CDK17: variants seen among roughly 807,000 people sequenced by gnomAD.
The protein encoded by CDK17 is cyclin dependent kinase 17, also known as cyclin-dependent kinase 17.
A neutral mutation model predicts 77.6 loss-of-function variants in CDK17; 24 were observed. The ratio of observed to expected loss-of-function variants is 0.31; its 90% CI spans 0.22 to 0.44. The LOEUF (loss-of-function observed/expected upper bound fraction) is 0.44, where lower values mean the gene tolerates loss of function less well. CDK17 is among the 20% of genes least tolerant of loss of function. CDK17 has a pLI of 1.00. For synonymous variants in CDK17, 203 were observed against 210.4 expected (o/e 0.96, Z 0.30); for missense variants, 429 against 622.5 (o/e 0.69, Z 3.31).
Position 96,316,731 on chromosome 12 carries a change from C to A in CDK17, c.284-3277G>T, listed in dbSNP as rs1372907376. Among the ~76,000 whole-genome samples, 18 of 125,050 alleles carry A rather than the reference C, an allele frequency of 1.4e-4. 1 individual carries two copies. The highest frequency in any genetic ancestry group is 3.3e-4 in the African/African-American group (11 of 33,428). 82.0% of individuals were successfully genotyped at this position (125,050 alleles called of 152,430 possible). ...TCACACGGCAGGGTATTCCAACAGACCTGCAGCTGAGGGTCCTGTCTGTTA... is the reference window on the plus strand; with the variant it reads ...TCACACGGCAGGGTATTCCAACAGAACTGCAGCTGAGGGTCCTGTCTGTTA... On this transcript the variant is annotated intron_variant, in intron 3 of 16. Transcript: ENST00000261211.
At chr12:96,289,996 A>G (rs920095282) in intron 10 of CDK17, among the ~76,000 whole-genome samples, 2 of 152,136 alleles carry the variant, frequency 1.3e-5, no homozygotes, top group African/African-American at 4.8e-5. Context: ...CACATAAAAT[A>G]CACTAACACT....
intron 11 of CDK17, among the ~76,000 whole-genome samples, chr12:96,287,783 A>C (rs950637551): frequency 6.6e-6 from 1 of 152,238 alleles, no homozygotes; most frequent in Non-Finnish European, 1.5e-5. Flanking sequence ...CCATCAATGG[A>C]TAAATGGGTA....
At chr12:96,395,774 T>C (rs1954158287) in intron 1 of CDK17, among the ~76,000 whole-genome samples, 2 of 152,104 alleles carry the variant, frequency 1.3e-5, no homozygotes, top group Admixed American at 6.5e-5. Flanking sequence ...CCCTTTTAAG[T>C]AGAAAAGAAA....
intron 1 of CDK17, among the ~76,000 whole-genome samples, chr12:96,335,861 G>A (rs1337680372): frequency 6.6e-6 from 1 of 152,046 alleles, no homozygotes; most frequent in African/African-American, 2.4e-5. Context: ...ATGATGAGCT[G>A]GCTTACCAGA....
At chr12:96,391,133 C>T (rs1309181342) in intron 1 of CDK17, among the ~76,000 whole-genome samples, 1 of 151,666 alleles carries the variant, frequency 6.6e-6, no homozygotes, top group East Asian at 1.9e-4. Flanking sequence ...TATACATAAA[C>T]TACCACAGCA....
At chr12:96,323,154 C>A (rs1231871048) in intron 3 of CDK17, among the ~76,000 whole-genome samples, 1 of 151,710 alleles carries the variant, frequency 6.6e-6, no homozygotes, top group Non-Finnish European at 1.5e-5. Flanking sequence ...CATAATAGGC[C>A]AGGTGTGGTG....
chr12:96,361,095 T>C (rs532236793), intron 1 of CDK17, among the ~76,000 whole-genome samples: 1 of 152,148 alleles, frequency 6.6e-6, no homozygotes, highest in African/African-American at 2.4e-5. Context: ...GATCCAGACC[T>C]CCGAAAAGAA....
At chr12:96,355,729 C>G (rs1187783536) in intron 1 of CDK17, among the ~76,000 whole-genome samples, 1 of 152,114 alleles carries the variant, frequency 6.6e-6, no homozygotes, top group Non-Finnish European at 1.5e-5. Context: ...TGTCGATTCC[C>G]TCCACTAGAA....
intron 16 of CDK17, 68 bp downstream of exon 16, chr12:96,280,740 T>C: frequency 1.3e-6 from 2 of 1,588,620 alleles, no homozygotes. Context: ...GATCAATTTA[T>C]AAACCAAAAG....
At chr12:96,385,469 C>A (rs1306395294) in intron 1 of CDK17, among the ~76,000 whole-genome samples, 1 of 151,986 alleles carries the variant, frequency 6.6e-6, no homozygotes, top group African/African-American at 2.4e-5. Flanking sequence ...ACGCAATATA[C>A]CCATGTAACG....
intron 1 of CDK17, among the ~76,000 whole-genome samples, chr12:96,395,229 C>T (rs1954149529): frequency 6.6e-6 from 1 of 152,224 alleles, no homozygotes; most frequent in African/African-American, 2.4e-5. Context: ...TTTTGAGCAA[C>T]ATGTCCTACC....
chr12:96,384,125 T>C (rs1282528681), intron 1 of CDK17, among the ~76,000 whole-genome samples: 2 of 151,842 alleles, frequency 1.3e-5, no homozygotes, highest in African/African-American at 4.8e-5. Flanking sequence ...AGAAGACATA[T>C]AAGCAGCCAA....
At chr12:96,335,549 A>AT (rs1953030476) in intron 1 of CDK17, among the ~76,000 whole-genome samples, 2 of 152,178 alleles carry the variant, frequency 1.3e-5, no homozygotes, top group South Asian at 4.1e-4. Context: ...ATACTATCCC[A>AT]TTTTCACACA....
At chr12:96,391,705 G>A (rs1259600977) in intron 1 of CDK17, among the ~76,000 whole-genome samples, 1 of 151,916 alleles carries the variant, frequency 6.6e-6, no homozygotes, top group Non-Finnish European at 1.5e-5. Context: ...TTTCCATTTT[G>A]TCTAAAAGAC....
intron 1 of CDK17, among the ~76,000 whole-genome samples, chr12:96,374,329 T>C (rs1037164722): frequency 3.3e-5 from 5 of 152,218 alleles, no homozygotes; most frequent in African/African-American, 1.2e-4. Context: ...TGTACATGCG[T>C]AGAAAAATTG....
chr12:96,333,467 C>T (rs1952999171), intron 2 of CDK17, among the ~76,000 whole-genome samples: 1 of 151,968 alleles, frequency 6.6e-6, no homozygotes, highest in Non-Finnish European at 1.5e-5. Context: ...GAGTTCAAGA[C>T]TAGCCTGGTC....
Position 96,372,004 on chromosome 12 carries a change from T to A in CDK17, c.-30+27982A>T, listed in dbSNP as rs1245294342. ...GAGAGAGAGACAGTGTGTGAGTGAG[T>A]GTGTGTTTGTGTGTGTGTGTGTGTG... On this transcript the variant is annotated intron_variant, in intron 1 of 16. Transcript: ENST00000261211. Among the ~76,000 whole-genome samples the A allele has an allele frequency of 2.8e-4, 6 of 21,606 alleles. No individual in the cohort carries two copies. The East Asian group carries it at 0.011, about 39-fold the overall frequency. 14.2% of individuals were successfully genotyped at this position (21,606 alleles called of 152,430 possible).
chr12:96,383,388 C>G (rs1953918060), intron 1 of CDK17, among the ~76,000 whole-genome samples: 1 of 133,542 alleles, frequency 7.5e-6, no homozygotes, highest in African/African-American at 2.9e-5. Context: ...CAATGTAATT[C>G]TTCACAAAAT....
chr12:96,318,809 G>A lies in CDK17; in HGVS notation c.283+5139C>T, dbSNP rs1026351260. Among the ~76,000 whole-genome samples, 4 of 120,128 alleles carry A rather than the reference G, an allele frequency of 3.3e-5. No individual in the cohort carries two copies. In the Admixed American group the frequency reaches 3.6e-4, roughly 11 times the overall value. The allele number at this position is 120,128 out of a possible 152,430, so 78.8% of individuals were successfully genotyped here. A position where few individuals can be genotyped will look rare whatever the true frequency, so the allele number is the denominator to read the frequency against. On this transcript the variant is annotated intron_variant, in intron 3 of 16. Transcript: ENST00000261211. ...GGACGCATTCAAAGCAGTGTGTAGA[G>A]GGAAATTTATAGCACTAAATGCCCA...
Sources: gnomAD v4.1 joint callset for allele counts (sites outside exome capture counted in the v4.1 genomes callset) on GRCh38, gnomAD v4.1.1 for gene constraint, MANE v1.5 for transcripts, NCBI Gene and HGNC (gene_info 2026-07-23, HGNC 2026-07-21) for gene names.